C22orf31: variants seen among roughly 807,000 people sequenced by gnomAD.
C22orf31 encodes the protein uncharacterized protein C22orf31.
Under a neutral mutation model 15.0 loss-of-function variants are expected in C22orf31, and 11 were observed. That is an observed-to-expected ratio of 0.73 (90% CI 0.46 to 1.21). C22orf31 has a LOEUF of 1.21. C22orf31 is among the 50% of genes most tolerant of loss of function. The probability of loss-of-function intolerance (pLI) is 0.00; values close to 1 mark genes in which losing one functional copy is unlikely to be tolerated. For missense variants in C22orf31, 340 were observed against 347.2 expected, an observed-to-expected ratio of 0.98 and a Z score of 0.17; for synonymous variants, 132 against 133.3, an observed-to-expected ratio of 0.99 and a Z score of 0.07.
chr22:29,066,384 C>G (rs1264602422), upstream of C22orf31, among the ~76,000 whole-genome samples: 4 of 152,070 alleles, frequency 2.6e-5, no homozygotes. Flanking sequence ...ACTCGGAGGA[C>G]CAATGATTTG....
At chr22:29,071,676 G>A in the C22orf31 span, among the ~76,000 whole-genome samples, 1 of 152,176 alleles carries the variant, frequency 6.6e-6, no homozygotes, top group African/African-American at 2.4e-5. Context: ...GGGAACTGTA[G>A]GAAAATCCCC....
At chr22:29,072,717 C>T in the C22orf31 span, among the ~76,000 whole-genome samples, 1 of 152,202 alleles carries the variant, frequency 6.6e-6, no homozygotes. Flanking sequence ...CACTGGGAGC[C>T]CGGCCTATTT....
chr22:29,073,201 C>A, the C22orf31 span: 1 of 1,190,120 alleles, frequency 8.4e-7, no homozygotes, highest in Non-Finnish European at 1.0e-6. The surrounding 1 kb of genome is among the most constrained non-coding windows in gnomAD (Gnocchi z 4.4). Flanking sequence ...CGGCCCGCGC[C>A]TAGCCCCGGC....
chr22:29,070,491 T>G, the C22orf31 span, among the ~76,000 whole-genome samples: 5 of 152,204 alleles, frequency 3.3e-5, no homozygotes, highest in Non-Finnish European at 5.9e-5. Flanking sequence ...CTGGGTGCCC[T>G]TCCTATTTTC....
At chr22:29,071,463 G>T in the C22orf31 span, among the ~76,000 whole-genome samples, 2 of 152,106 alleles carry the variant, frequency 1.3e-5, no homozygotes, top group Non-Finnish European at 2.9e-5. Context: ...CGGGGGTTGA[G>T]GGGGCCCAGG....
upstream of C22orf31, among the ~76,000 whole-genome samples, chr22:29,064,793 T>C (rs1478805361): frequency 2.8e-5 from 4 of 143,390 alleles, no homozygotes; most frequent in Non-Finnish European, 4.5e-5. Context: ...CTCCTTGGCC[T>C]CCCGAAGTGC....
upstream of C22orf31, chr22:29,061,969 T>C (rs1451917929): frequency 3.6e-6 from 2 of 552,322 alleles, no homozygotes; most frequent in Non-Finnish European, 6.6e-6. Context: ...AGATGTGGGC[T>C]CAATGCAGGC....
the C22orf31 span, among the ~76,000 whole-genome samples, chr22:29,071,541 G>T: frequency 6.6e-6 from 1 of 152,188 alleles, no homozygotes; most frequent in Non-Finnish European, 1.5e-5. Context: ...CTGCACACTG[G>T]TGCAGATGTT....
chr22:29,060,631 A>G lies in C22orf31; in HGVS notation c.216T>C (p.Ser72=). 6.2e-7 allele frequency: 1 copy of G among 1,614,150 alleles called. No individual in the cohort carries two copies. The highest frequency in any genetic ancestry group is 8.5e-7 in the Non-Finnish European group (1 of 1,180,028). Residue 72 remains serine (S), a synonymous_variant, in exon 2 of 3, where the codon AGT becomes AGC. Transcript: ENST00000216071. ...GTACAAGCTTAACCAGGGAGAAGGA[A>G]CTGGCAATTAATGGGTTCCTTACAA... ...WEVVRNPLIA[S]SFSLVKLVLR... is the part of the protein sequence containing the mutation.
At chr22:29,066,539 C>CTTTCTTTTTTTTTTT (rs2037431289), upstream of C22orf31, among the ~76,000 whole-genome samples, 1 of 70,208 alleles carries the variant, frequency 1.4e-5, no homozygotes, top group South Asian at 5.3e-4. Flanking sequence ...CTTTTCTTTT[C>CTTTCTTTTTTTTTTT]TTTTTTTTTT....
the C22orf31 span, among the ~76,000 whole-genome samples, chr22:29,070,591 G>A: frequency 1.3e-5 from 2 of 152,300 alleles, no homozygotes; most frequent in East Asian, 3.9e-4. Flanking sequence ...CTGGCATCCT[G>A]CTTAAAGTAG....
upstream of C22orf31, among the ~76,000 whole-genome samples, chr22:29,065,147 C>G (rs2123904108): frequency 6.6e-6 from 1 of 152,296 alleles, no homozygotes; most frequent in South Asian, 2.1e-4. Flanking sequence ...GCCACTGCGC[C>G]TGACCATGTG....
In C22orf31 at chr22:29,058,744, A is replaced by AT. The variant is rs1395423478; in HGVS notation, c.870dup (p.Ter291IlefsTer?). 1 of 1,603,890 alleles carries AT rather than the reference A, an allele frequency of 6.2e-7. No individual in the cohort carries two copies. On this transcript the variant is annotated frameshift_variant, in exon 3 of 3. Transcript: ENST00000216071. LOFTEE classifies it high-confidence loss of function. The stretch of plus-strand genomic sequence containing the variant: ...TCTAATCCCATGAGTTCTTGTTCCT[A>AT]TTTTTTGCTCTTTAACTTGGGCCAT...
chr22:29,061,002 G>T (rs2037385429), intron 1 of C22orf31, among the ~76,000 whole-genome samples, 159 bp from the exon 2 acceptor site: 1 of 152,150 alleles, frequency 6.6e-6, no homozygotes, highest in Non-Finnish European at 1.5e-5. Context: ...GTTCACCAAA[G>T]CCTTTTATAC....
intron 2 of C22orf31, 34 bp downstream of exon 2, chr22:29,060,381 A>G (rs1193014269): frequency 1.3e-6 from 2 of 1,567,560 alleles, no homozygotes; most frequent in South Asian, 1.2e-5. Context: ...TCCCCTCGCC[A>G]GTCACATTTT....
upstream of C22orf31, among the ~76,000 whole-genome samples, chr22:29,066,083 C>A (rs529944945): frequency 6.6e-5 from 10 of 152,126 alleles, no homozygotes; most frequent in East Asian, 1.2e-3. Context: ...TTTACTACGA[C>A]CTTTCTTCTT....
Position 29,059,094 on chromosome 22 carries a change from A to G in C22orf31, c.521T>C (p.Leu174Pro). The G allele has an allele frequency of 1.2e-6, 2 of 1,613,666 alleles. No homozygotes were observed. The highest frequency in any genetic ancestry group is 2.2e-5 in the East Asian group (1 of 44,874). Residue 174 changes from leucine to proline, a missense_variant, in exon 3 of 3, where the codon CTA (leucine) becomes CCA (proline). Transcript: ENST00000216071. ...YAEHVAATQA[L>P]PQDSGTAAWK... ...GGCTGCTGTCCCACTGTCCTGGGGT[A>G]GCGCTTGGGTGGCAGCCACATGTTC...
chr22:29,073,016 G>A, the C22orf31 span: 21 of 165,262 alleles, frequency 1.3e-4, no homozygotes, highest in Non-Finnish European at 2.4e-4. This position sits in a 1 kb window ranked among gnomAD's most constrained non-coding sequence, Gnocchi z 4.4. Context: ...GGGCGGCCGG[G>A]CGGCCGGGGC....
the C22orf31 span, among the ~76,000 whole-genome samples, chr22:29,068,545 G>T: frequency 6.7e-6 from 1 of 149,262 alleles, no homozygotes; most frequent in Non-Finnish European, 1.5e-5. Context: ...TGAGTAGCTG[G>T]GACTACAGGC....
Sources: gnomAD v4.1 joint callset for allele counts (sites outside exome capture counted in the v4.1 genomes callset) on GRCh38, gnomAD v4.1.1 for gene constraint, Gnocchi (gnomAD v3.1) non-coding constraint, MANE v1.5 for transcripts, NCBI Gene and HGNC (gene_info 2026-07-23, HGNC 2026-07-21) for gene names.